Variants in CSMD2 observed in about 807,000 individuals in gnomAD.
CSMD2 encodes the protein CUB and sushi domain-containing protein 2.
In CSMD2, 130 loss-of-function variants were observed where a neutral mutation model predicts 398.5. The ratio of observed to expected loss-of-function variants is 0.33; its 90% CI spans 0.28 to 0.38. CSMD2 has a LOEUF of 0.38. CSMD2 is among the 10% of genes least tolerant of loss of function. The pLI is 1.00. For synonymous variants in CSMD2, 1,828 were observed against 1,908.5 expected, an observed-to-expected ratio of 0.96 and a Z score of 1.10; for missense variants, 3,829 against 4,764.9, an observed-to-expected ratio of 0.80 and a Z score of 5.78.
At chr1:34,049,941 C>T (rs952828977) in intron 2 of CSMD2, among the ~76,000 whole-genome samples, 3 of 152,162 alleles carry the variant, frequency 2.0e-5, no homozygotes, top group African/African-American at 4.8e-5. Context: ...TAAGAAAAGA[C>T]CCCTTTCTCT....
chr1:33,550,437 G>A, intron 55 of CSMD2, 87 bp from the exon 56 acceptor site: 1 of 1,403,716 alleles, frequency 7.1e-7, no homozygotes, highest in East Asian at 2.4e-5. Context: ...TTAAGCAAGA[G>A]GCTGGGAAGA....
chr1:33,832,624 A>G (rs7366351), intron 6 of CSMD2, among the ~76,000 whole-genome samples: 113,561 of 145,422 alleles, frequency 0.78, 45,225 homozygotes, highest in East Asian at 0.94. Context: ...TTCAAAAGCT[A>G]GCAGAAGGCA....
intron 15 of CSMD2, among the ~76,000 whole-genome samples, chr1:33,731,100 A>C (rs1646702816): frequency 6.6e-6 from 1 of 152,234 alleles, no homozygotes; most frequent in Non-Finnish European, 1.5e-5. Flanking sequence ...AACAAACTGC[A>C]GTAGATTTAA....
chr1:33,517,974 G>A (rs1175681741), intron 70 of CSMD2, among the ~76,000 whole-genome samples: 1 of 152,268 alleles, frequency 6.6e-6, no homozygotes, highest in Non-Finnish European at 1.5e-5. Flanking sequence ...TCGCTGCACT[G>A]CCATTTGTGT....
At chr1:33,715,434 G>A (rs527746564) in intron 20 of CSMD2, among the ~76,000 whole-genome samples, 10 of 152,124 alleles carry the variant, frequency 6.6e-5, no homozygotes, top group South Asian at 2.1e-4. Context: ...CTAGTCCCTC[G>A]TCTGCAAGGG....
chr1:33,943,420 T>C (rs1354009777), intron 3 of CSMD2, among the ~76,000 whole-genome samples: 1 of 152,210 alleles, frequency 6.6e-6, no homozygotes, highest in African/African-American at 2.4e-5. Flanking sequence ...AAGTGTCTTG[T>C]ATAACCCATA....
intron 7 of CSMD2, among the ~76,000 whole-genome samples, chr1:33,823,229 G>T (rs768191397): frequency 2.0e-5 from 3 of 152,128 alleles, no homozygotes; most frequent in Non-Finnish European, 4.4e-5. Context: ...CAAACCCAAC[G>T]GTGACGCGGC....
upstream of CSMD2, chr1:34,165,276 G>A (rs1641784049): frequency 2.5e-6 from 3 of 1,190,764 alleles, no homozygotes; most frequent in Admixed American, 8.5e-5. Context: ...TGCGCTCTCG[G>A]AAATGACTCG....
At chr1:33,946,471 T>C (rs749038573) in intron 3 of CSMD2, among the ~76,000 whole-genome samples, 2 of 152,260 alleles carry the variant, frequency 1.3e-5, no homozygotes, top group Non-Finnish European at 2.9e-5. Flanking sequence ...AGGATTGGCC[T>C]AAGGTCTTCT....
intron 2 of CSMD2, among the ~76,000 whole-genome samples, chr1:34,066,874 A>T (rs1158589716): frequency 1.3e-5 from 2 of 152,174 alleles, no homozygotes; most frequent in Non-Finnish European, 2.9e-5. Context: ...CTGAGCAGGA[A>T]TGGTGGAGAG....
chr1:33,587,236 T>C (rs1639149769), intron 44 of CSMD2, 68 bp from the exon 45 acceptor site: 1 of 1,152,662 alleles, frequency 8.7e-7, no homozygotes, highest in East Asian at 2.5e-5. Context: ...CATTCATTTG[T>C]TCAATTCTTC....
At chr1:34,155,324 A>G (rs1185005877) in intron 1 of CSMD2, among the ~76,000 whole-genome samples, 2 of 152,192 alleles carry the variant, frequency 1.3e-5, no homozygotes, top group African/African-American at 4.8e-5. Flanking sequence ...CTTAGAACAA[A>G]ATATCGTAGG....
intron 43 of CSMD2, among the ~76,000 whole-genome samples, chr1:33,601,588 C>T (rs1409335409): frequency 1.3e-5 from 2 of 152,100 alleles, no homozygotes; most frequent in East Asian, 1.9e-4. Context: ...CCCCTAACCC[C>T]GATGATTCTC....
intron 49 of CSMD2, among the ~76,000 whole-genome samples, chr1:33,576,695 A>G (rs947924018): frequency 3.3e-5 from 5 of 152,166 alleles, no homozygotes; most frequent in Non-Finnish European, 4.4e-5. Context: ...GGATGATCCT[A>G]TTTTTATAAT....
chr1:34,076,168 G>A (rs1656302818), intron 2 of CSMD2, among the ~76,000 whole-genome samples: 2 of 152,226 alleles, frequency 1.3e-5, no homozygotes, highest in Admixed American at 6.5e-5. Context: ...TGTGCGCAGT[G>A]TGTCTATTGG....
intron 1 of CSMD2, among the ~76,000 whole-genome samples, chr1:34,134,980 A>G (rs1034758884): frequency 6.6e-6 from 1 of 152,166 alleles, no homozygotes; most frequent in African/African-American, 2.4e-5. Context: ...TAGAAATTCA[A>G]ATACTCAGAT....
intron 37 of CSMD2, 60 bp from the exon 38 acceptor site, chr1:33,617,677 G>A (rs548806639): frequency 7.8e-6 from 10 of 1,275,250 alleles, no homozygotes; most frequent in East Asian, 6.9e-5. Flanking sequence ...TCAACGTGGC[G>A]GTAGGCTGGG....
intron 1 of CSMD2, among the ~76,000 whole-genome samples, chr1:34,096,235 A>G (rs1296863389): frequency 6.6e-6 from 1 of 152,038 alleles, no homozygotes; most frequent in Non-Finnish European, 1.5e-5. Context: ...AACTTTCAAT[A>G]AATTAGGTAT....
At chr1:34,129,003 A>ACC (rs746867346) in intron 1 of CSMD2, among the ~76,000 whole-genome samples, 3,347 of 81,066 alleles carry the variant, frequency 0.041, 117 homozygotes, top group African/African-American at 0.1. Context: ...ATACATGTGT[A>ACC]CCCCCCCCCA....
Sources: allele counts gnomAD v4.1 joint callset (sites outside exome capture counted in the v4.1 genomes callset), GRCh38; gene constraint gnomAD v4.1.1; transcripts MANE v1.5; gene names NCBI Gene and HGNC (gene_info 2026-07-23, HGNC 2026-07-21).